The following NEDD8 variants were observed in gnomAD, a reference collection of about 807,000 sequenced individuals.
NEDD8 encodes the protein NEDD8 ubiquitin like modifier.
A neutral mutation model predicts 13.8 loss-of-function variants in NEDD8; 1 was observed. The observed-to-expected ratio is 0.07, with a 90% CI of 0.03 to 0.34. The LOEUF (loss-of-function observed/expected upper bound fraction) is 0.34, where lower values mean the gene tolerates loss of function less well. NEDD8 is among the 10% of genes least tolerant of loss of function. The pLI, the probability that NEDD8 is intolerant of heterozygous loss-of-function variation, is 0.99. For missense variants in NEDD8, 10 were observed against 95.2 expected (o/e 0.10, Z 3.73); for synonymous variants, 31 against 33.2 (o/e 0.93, Z 0.23).
rs2039715269 is a variant in NEDD8, at chr14:24,217,069, G to A, written c.*58C>T. The A allele has an allele frequency of 7.3e-7, 1 of 1,377,356 alleles. No homozygotes were observed. 85.3% of individuals were successfully genotyped at this position (1,377,356 alleles called of 1,614,324 possible). A position where few individuals can be genotyped will look rare whatever the true frequency, so the allele number is the denominator to read the frequency against. On this transcript the variant is annotated 3_prime_UTR_variant, in exon 4 of 4. Transcript: ENST00000250495. The stretch of plus-strand genomic sequence containing the variant: ...GTGGCTATGGTGTCCCAGAGAGTGA[G>A]AGGATATATGATGCCTCATTATGAG...
intron 1 of NEDD8, chr14:24,218,714 G>T: frequency 1.9e-6 from 1 of 518,498 alleles, no homozygotes. Flanking sequence ...TGAGAATATT[G>T]GCATTATTTT....
intron 1 of NEDD8, 170 bp from the exon 2 acceptor site, chr14:24,218,601 A>G (rs975861738): frequency 2.1e-5 from 19 of 910,752 alleles, no homozygotes; most frequent in Non-Finnish European, 3.2e-5. Flanking sequence ...CATTTATCAA[A>G]TATTTTTAGG....
chr14:24,232,151 G>A (rs2040052284), intron 1 of NEDD8, 99 bp downstream of exon 1: 2 of 1,591,068 alleles, frequency 1.3e-6, no homozygotes, highest in Admixed American at 1.7e-5. Context: ...GCGTCCTCCA[G>A]GCTAGGGAAA....
chr14:24,230,632 G>A (rs1413896168), intron 1 of NEDD8, among the ~76,000 whole-genome samples: 1 of 144,606 alleles, frequency 6.9e-6, no homozygotes, highest in Non-Finnish European at 1.5e-5. Flanking sequence ...TTTTTTTGCA[G>A]GGGGAGATGG....
intron 1 of NEDD8, among the ~76,000 whole-genome samples, chr14:24,223,103 A>AAC (rs1555356898): frequency 1.1e-4 from 17 of 149,594 alleles, no homozygotes; most frequent in African/African-American, 4.0e-4. Flanking sequence ...AAAAAAAAAA[A>AAC]AAAAATAGAG....
At position 24,232,329 on chromosome 14, in the gene NEDD8, T is replaced by C. The variant is rs1444611963; in HGVS notation, c.-62A>G. The C allele has an allele frequency of 9.8e-6, 15 of 1,535,282 alleles. No homozygotes were observed. In the Admixed American group the frequency reaches 2.5e-4, roughly 26 times the overall value. ...CTGCTCCTACCGCTCCGGTCGCCGCTGCCGCCCTCCAGCACTCTTGCCTGC... is the reference window on the plus strand; with the variant it reads ...CTGCTCCTACCGCTCCGGTCGCCGCCGCCGCCCTCCAGCACTCTTGCCTGC... On this transcript the variant is annotated 5_prime_UTR_variant, in exon 1 of 4. Transcript: ENST00000250495.
At chr14:24,219,374 T>C (rs952807117) in intron 1 of NEDD8, among the ~76,000 whole-genome samples, 3 of 149,464 alleles carry the variant, frequency 2.0e-5, no homozygotes, top group Non-Finnish European at 3.0e-5. Context: ...TACCAGCTAT[T>C]TGGGAGGCTG....
At chr14:24,223,063 G>A (rs1706037296) in intron 1 of NEDD8, among the ~76,000 whole-genome samples, 2 of 134,414 alleles carry the variant, frequency 1.5e-5, no homozygotes, top group African/African-American at 5.4e-5. Context: ...TCCAGCCTGG[G>A]CAACAGAGCA....
chr14:24,230,136 G>A (rs1218781616), intron 1 of NEDD8, among the ~76,000 whole-genome samples: 2 of 140,260 alleles, frequency 1.4e-5, no homozygotes, highest in Admixed American at 1.5e-4. Flanking sequence ...AAATTAGTAT[G>A]AACTAGTAAC....
chr14:24,229,254 C>G (rs2138908083), intron 1 of NEDD8, among the ~76,000 whole-genome samples: 2 of 152,348 alleles, frequency 1.3e-5, no homozygotes, highest in Admixed American at 1.3e-4. Context: ...CAGTCTCACT[C>G]TGTTGCCCAG....
intron 1 of NEDD8, among the ~76,000 whole-genome samples, chr14:24,229,971 G>T (rs1042690576): frequency 2.2e-4 from 34 of 152,078 alleles, no homozygotes; most frequent in African/African-American, 8.0e-4. Context: ...TCAGGAAGCT[G>T]AGGCAGGAGA....
In NEDD8 at chr14:24,225,653, G is replaced by A. The variant is rs191715105; in HGVS notation, c.18+6597C>T. ...GTATGTCTTTGAAATTGTCCATGAA[G>A]TTGTTTTAAAGCAGTTGAACAATTT... On this transcript the variant is annotated intron_variant, in intron 1 of 3. Transcript: ENST00000250495. Among the ~76,000 whole-genome samples, 12 of 152,284 alleles carry A rather than the reference G, an allele frequency of 7.9e-5. No homozygotes were observed. The East Asian group carries it at 2.3e-3, about 29-fold the overall frequency.
At chr14:24,226,885 C>T (rs1325135351) in intron 1 of NEDD8, 1 of 152,166 alleles carries the variant, frequency 6.6e-6, no homozygotes, top group Non-Finnish European at 1.5e-5. Flanking sequence ...ACTCGTATAA[C>T]AATGTTCATA....
intron 1 of NEDD8, among the ~76,000 whole-genome samples, chr14:24,229,999 G>A (rs1450779176): frequency 2.0e-5 from 3 of 151,924 alleles, no homozygotes; most frequent in African/African-American, 7.3e-5. Context: ...GAACCCGGGA[G>A]GCGGAGGTTG....
At chr14:24,217,829 C>A in intron 3 of NEDD8, 1 of 265,358 alleles carries the variant, frequency 3.8e-6, no homozygotes, top group Non-Finnish European at 7.1e-6. Context: ...AAATTATGGT[C>A]ATATTAGACC....
intron 1 of NEDD8, among the ~76,000 whole-genome samples, chr14:24,223,739 A>ATT (rs558821572): frequency 7.2e-6 from 1 of 139,842 alleles, no homozygotes; most frequent in Non-Finnish European, 1.6e-5. Context: ...AAAAAAAAAA[A>ATT]TTTTTTTTTT....
intron 1 of NEDD8, among the ~76,000 whole-genome samples, chr14:24,229,526 A>G (rs550641284): frequency 6.6e-6 from 1 of 152,292 alleles, no homozygotes; most frequent in East Asian, 1.9e-4. Flanking sequence ...CCTTTCAAAC[A>G]GTACTTTTTA....
intron 1 of NEDD8, among the ~76,000 whole-genome samples, chr14:24,222,043 G>A (rs149073560): frequency 1.3e-3 from 196 of 152,220 alleles, no homozygotes; most frequent in Non-Finnish European, 2.0e-3. Flanking sequence ...TTCTGAAATC[G>A]ACTGTAGAGG....
intron 1 of NEDD8, among the ~76,000 whole-genome samples, chr14:24,222,422 T>C (rs902345924): frequency 1.3e-5 from 2 of 152,228 alleles, no homozygotes; most frequent in Non-Finnish European, 2.9e-5. Flanking sequence ...TACAGTATAT[T>C]AATGCTTTAA....
Sources: allele counts gnomAD v4.1 joint callset (sites outside exome capture counted in the v4.1 genomes callset), GRCh38; gene constraint gnomAD v4.1.1; transcripts MANE v1.5; gene names NCBI Gene and HGNC (gene_info 2026-07-23, HGNC 2026-07-21).